The following SYT17 variants were observed in gnomAD, a reference collection of about 807,000 sequenced individuals.
SYT17 encodes synaptotagmin 17, also known as synaptotagmin-17.
Under a neutral mutation model 46.7 loss-of-function variants are expected in SYT17, and 22 were observed. The observed-to-expected ratio is 0.47, with a 90% CI of 0.34 to 0.67. The LOEUF is 0.67. SYT17 is among the 30% of genes least tolerant of loss of function. SYT17 has a pLI of 0.01. For missense variants in SYT17, 519 were observed against 612.8 expected (o/e 0.85, Z 1.62); for synonymous variants, 251 against 248.4 (o/e 1.01, Z -0.10).
rs567102584 is a variant in SYT17, at chr16:19,256,793, G to A, written c.1229-10087G>A. Among the ~76,000 whole-genome samples the A allele has an allele frequency of 2.7e-3, 413 of 152,054 alleles. 1 individual carries two copies. Among genetic ancestry groups the A allele is most frequent in the Non-Finnish European group, 4.3e-3 (290 of 67,986 alleles). Reference sequence around the variant, plus strand: ...CAGTCTCATTATGTAACCCAGGCTGGTCTTGAATTCCTGGGCTCAAGCGAT... The same window carrying A: ...CAGTCTCATTATGTAACCCAGGCTGATCTTGAATTCCTGGGCTCAAGCGAT... On this transcript the variant is annotated intron_variant, in intron 7 of 7. Transcript: ENST00000355377.
intron 7 of SYT17, chr16:19,250,195 A>G (rs1293543613): frequency 9.7e-7 from 1 of 1,032,510 alleles, no homozygotes; most frequent in East Asian, 2.9e-5. Context: ...TACCCATCAG[A>G]TTCTGTAATG....
At chr16:19,211,353 C>T in intron 5 of SYT17, 2 of 697,484 alleles carry the variant, frequency 2.9e-6, no homozygotes, top group Non-Finnish European at 5.2e-6. Context: ...AGCTCAGCCT[C>T]TGTGTTGGGG....
chr16:19,171,693 A>C (rs1055245987), intron 1 of SYT17: 4 of 152,194 alleles, frequency 2.6e-5, no homozygotes, highest in Admixed American at 6.5e-5. Flanking sequence ...ACTTTAAAAA[A>C]ATCATATGAA....
At chr16:19,202,324 C>T (rs541791862) in intron 5 of SYT17, among the ~76,000 whole-genome samples, 31 of 152,192 alleles carry the variant, frequency 2.0e-4, no homozygotes, top group Non-Finnish European at 4.0e-4. Context: ...AAGCACTTTA[C>T]TTACTATGAC....
intron 3 of SYT17, among the ~76,000 whole-genome samples, chr16:19,178,073 G>T (rs1964385448): frequency 6.6e-6 from 1 of 151,532 alleles, no homozygotes; most frequent in Non-Finnish European, 1.5e-5. Flanking sequence ...ACTGGGTAAG[G>T]TTCAAGTGAT....
At chr16:19,227,389 C>T (rs1427999465) in intron 7 of SYT17, among the ~76,000 whole-genome samples, 5 of 151,048 alleles carry the variant, frequency 3.3e-5, no homozygotes, top group Non-Finnish European at 7.4e-5. Context: ...GATCTCGGCT[C>T]ACTGCAAGCT....
At position 19,268,313 on chromosome 16, in the gene SYT17, G is replaced by T. The variant is rs2143006023; in HGVS notation, c.*1237G>T. On this transcript the variant is annotated 3_prime_UTR_variant, in exon 8 of 8. Transcript: ENST00000355377. ...TGGGGAGCTATTTATTGAAATTAAA[G>T]ATTATTTATTTGTGCCATGCATTCG... 6.6e-6 allele frequency: 1 copy of T among 152,206 alleles called. No homozygotes were observed. The highest frequency in any genetic ancestry group is 2.4e-5 in the African/African-American group (1 of 41,518). The allele number at this position is 152,206 out of a possible 1,614,324, so 9.4% of individuals were successfully genotyped here.
intron 5 of SYT17, among the ~76,000 whole-genome samples, chr16:19,213,605 C>T (rs1965986168): frequency 1.3e-5 from 2 of 152,208 alleles, no homozygotes; most frequent in Non-Finnish European, 1.5e-5. Flanking sequence ...AAACTCTTGG[C>T]TTCAAGCATT....
chr16:19,267,767 G>C lies in SYT17; in HGVS notation c.*691G>C, dbSNP rs139324796. 2.6e-5 allele frequency: 4 copies of C among 152,142 alleles called. No homozygotes were observed. Among genetic ancestry groups the C allele is most frequent in the Non-Finnish European group, 4.4e-5 (3 of 68,056 alleles). 9.4% of individuals were successfully genotyped at this position (152,142 alleles called of 1,614,324 possible). On this transcript the variant is annotated 3_prime_UTR_variant, in exon 8 of 8. Transcript: ENST00000355377. ...TGTGGGTATGTATGTGTATGTCCTC[G>C]TGCATGTGCCCTCACAGGCGAACAC...
intron 7 of SYT17, among the ~76,000 whole-genome samples, chr16:19,244,854 C>G (rs891088304): frequency 2.0e-5 from 3 of 152,192 alleles, no homozygotes; most frequent in Non-Finnish European, 4.4e-5. Flanking sequence ...ATGTACATCA[C>G]TTCCACTTCC....
At chr16:19,207,482 A>AG (rs1183356475) in intron 5 of SYT17, among the ~76,000 whole-genome samples, 3 of 151,994 alleles carry the variant, frequency 2.0e-5, no homozygotes, top group South Asian at 2.1e-4. Flanking sequence ...GTGGAAGGCA[A>AG]GGGGGGGAAA....
chr16:19,243,819 C>CAAAAA (rs760219447), intron 7 of SYT17, among the ~76,000 whole-genome samples: 1 of 56,920 alleles, frequency 1.8e-5, no homozygotes, highest in Non-Finnish European at 3.2e-5. Flanking sequence ...AAAACTCCAT[C>CAAAAA]AAAAAAAAAA....
chr16:19,237,980 C>T (rs558083966), intron 7 of SYT17, among the ~76,000 whole-genome samples: 1 of 152,296 alleles, frequency 6.6e-6, no homozygotes, highest in Admixed American at 6.5e-5. Flanking sequence ...TACATTGAGA[C>T]GTCTTTGGAG....
chr16:19,244,275 A>C (rs975266736), intron 7 of SYT17, among the ~76,000 whole-genome samples: 2 of 152,214 alleles, frequency 1.3e-5, no homozygotes, highest in Non-Finnish European at 2.9e-5. Flanking sequence ...GCTAGCTGCT[A>C]TAACAAATCA....
Position 19,224,880 on chromosome 16 carries a change from C to A in SYT17, c.1228+42C>A, listed in dbSNP as rs76985031. 5.3e-3 allele frequency: 8,580 copies of A among 1,608,374 alleles called. 404 individuals carry two copies. The African/African-American group carries it at 0.1, about 19-fold the overall frequency. Reference sequence around the variant, plus strand: ...AACCCGATGAACTCCAGGTGAGGCACGTCAAACTTACTGTCCTAGAGCCAG... The same window carrying A: ...AACCCGATGAACTCCAGGTGAGGCAAGTCAAACTTACTGTCCTAGAGCCAG... On this transcript the variant is annotated intron_variant, in intron 7 of 7. Coordinates refer to ENST00000355377, the MANE Select transcript of SYT17 (RefSeq NM_016524.4).
intron 5 of SYT17, among the ~76,000 whole-genome samples, chr16:19,203,432 C>T (rs984496609): frequency 5.3e-5 from 8 of 152,084 alleles, no homozygotes; most frequent in Non-Finnish European, 7.3e-5. Flanking sequence ...GCACCATCAT[C>T]GAAGGGCCCT....
Position 19,173,511 on chromosome 16 carries a change from T to C in SYT17, c.115T>C (p.Cys39Arg), listed in dbSNP as rs2142510655. 6.2e-7 allele frequency: 1 copy of C among 1,613,930 alleles called. No individual in the cohort carries two copies. Among genetic ancestry groups the C allele is most frequent in the East Asian group, 2.2e-5 (1 of 44,860 alleles). Residue 39 changes from cysteine to arginine, a missense_variant, in exon 3 of 8, where the codon TGT becomes CGT. Cys to Arg is a radical substitution (Grantham distance 180). Coordinates refer to ENST00000355377, the MANE Select transcript of SYT17 (RefSeq NM_016524.4). ...HCCQKCYESS[C>R]CQSSEDEVEI... ...CTGTCAGAAGTGCTACGAGTCCAGC[T>C]GTTGCCAGTCAAGTGAGGATGAAGT...
At chr16:19,263,064 G>A (rs930467115) in intron 7 of SYT17, among the ~76,000 whole-genome samples, 1 of 138,064 alleles carries the variant, frequency 7.2e-6, no homozygotes, top group Non-Finnish European at 1.6e-5. Context: ...ATTCCCTTTT[G>A]GCAATTTGTT....
intron 7 of SYT17, among the ~76,000 whole-genome samples, chr16:19,228,579 A>G (rs1966576603): frequency 6.6e-6 from 1 of 152,232 alleles, no homozygotes; most frequent in African/African-American, 2.4e-5. Flanking sequence ...ATCTATAAGT[A>G]GCTATTTTTT....
Sources: gnomAD v4.1 joint callset for allele counts (sites outside exome capture counted in the v4.1 genomes callset) on GRCh38, gnomAD v4.1.1 for gene constraint, MANE v1.5 for transcripts, NCBI Gene and HGNC (gene_info 2026-07-23, HGNC 2026-07-21) for gene names.